Variants in WWOX observed in about 807,000 individuals in gnomAD.
WWOX encodes WW domain containing oxidoreductase, also known as WW domain-containing oxidoreductase.
In WWOX, 69 loss-of-function variants were observed where a neutral mutation model predicts 46.2. That is an observed-to-expected ratio of 1.49 (90% CI 1.23 to 1.82). The LOEUF (loss-of-function observed/expected upper bound fraction) is 1.82, where lower values mean the gene tolerates loss of function less well. Among genes scored for constraint, WWOX ranks in the 40% most tolerant of loss-of-function variants. The pLI, the probability that WWOX is intolerant of heterozygous loss-of-function variation, is 0.00. For missense variants in WWOX, 919 were observed against 542.6 expected (o/e 1.69, Z -6.89); for synonymous variants, 359 against 202.6 (o/e 1.77, Z -6.56).
At chr16:78,217,056 C>G (rs74590286) in intron 5 of WWOX, among the ~76,000 whole-genome samples, 140 of 152,294 alleles carry the variant, frequency 9.2e-4, no homozygotes, top group African/African-American at 3.0e-3. Context: ...TAATTAACAA[C>G]CTTAATTTCA....
chr16:79,189,151 TTC>T (rs1442052963), intron 8 of WWOX, among the ~76,000 whole-genome samples: 11 of 152,308 alleles, frequency 7.2e-5, no homozygotes, highest in Middle Eastern at 3.4e-3. Context: ...ACATTGGACT[TTC>T]TGTTTCCAGC....
At chr16:78,732,889 T>C (rs1419563741) in intron 8 of WWOX, among the ~76,000 whole-genome samples, 2 of 152,224 alleles carry the variant, frequency 1.3e-5, no homozygotes, top group Admixed American at 1.3e-4. Context: ...TTCTTGAGAA[T>C]AAGCGCTGTG....
chr16:78,128,651 C>A (rs578202094), intron 4 of WWOX, among the ~76,000 whole-genome samples: 3 of 152,282 alleles, frequency 2.0e-5, no homozygotes, highest in Non-Finnish European at 4.4e-5. Context: ...TATAGAAACT[C>A]TTTTTCCTGG....
intron 8 of WWOX, among the ~76,000 whole-genome samples, chr16:78,763,524 T>C (rs2049845845): frequency 6.6e-6 from 1 of 152,190 alleles, no homozygotes; most frequent in Non-Finnish European, 1.5e-5. Context: ...ATTTTTTACA[T>C]AGAGTATGAA....
intron 8 of WWOX, among the ~76,000 whole-genome samples, chr16:78,562,563 C>G (rs1018682016): frequency 6.6e-6 from 1 of 152,180 alleles, no homozygotes; most frequent in Non-Finnish European, 1.5e-5. Flanking sequence ...TGGCATTGCA[C>G]GTGCCTCCCT....
At chr16:78,846,580 C>T (rs1436497779) in intron 8 of WWOX, among the ~76,000 whole-genome samples, 5 of 152,146 alleles carry the variant, frequency 3.3e-5, no homozygotes, top group East Asian at 3.9e-4. Context: ...TGCCATTCTT[C>T]GGCCATCAAG....
intron 8 of WWOX, among the ~76,000 whole-genome samples, chr16:78,632,028 TTTC>T (rs1414148288): frequency 3.3e-5 from 5 of 152,248 alleles, no homozygotes; most frequent in African/African-American, 9.6e-5. Context: ...CTCCCAATTT[TTTC>T]TTAAAAAAAA....
intron 8 of WWOX, among the ~76,000 whole-genome samples, chr16:78,800,643 G>A (rs2050862256): frequency 6.6e-6 from 1 of 152,206 alleles, no homozygotes; most frequent in Admixed American, 6.5e-5. Context: ...GACGGCCAAA[G>A]GGGAAGCTGA....
At chr16:78,315,050 C>G (rs953551777) in intron 5 of WWOX, among the ~76,000 whole-genome samples, 2 of 152,190 alleles carry the variant, frequency 1.3e-5, no homozygotes, top group Non-Finnish European at 2.9e-5. Flanking sequence ...CTCCATCCAC[C>G]ATCTATCAAT....
intron 5 of WWOX, among the ~76,000 whole-genome samples, chr16:78,310,194 T>A (rs550121629): frequency 6.6e-6 from 1 of 152,152 alleles, no homozygotes; most frequent in Non-Finnish European, 1.5e-5. Flanking sequence ...TAAGAACATT[T>A]ATTGTGTTTC....
chr16:78,496,801 G>T (rs1384219442), intron 8 of WWOX, among the ~76,000 whole-genome samples: 1 of 152,164 alleles, frequency 6.6e-6, no homozygotes, highest in African/African-American at 2.4e-5. Context: ...TGAGGAAGAG[G>T]CCCCAAGACA....
intron 8 of WWOX, among the ~76,000 whole-genome samples, chr16:78,573,888 G>T (rs1241733369): frequency 6.6e-6 from 1 of 152,172 alleles, no homozygotes; most frequent in African/African-American, 2.4e-5. Flanking sequence ...TTATTTCATG[G>T]TTTCTGTGGA....
At chr16:78,956,575 T>C (rs1037035127) in intron 8 of WWOX, among the ~76,000 whole-genome samples, 1 of 152,194 alleles carries the variant, frequency 6.6e-6, no homozygotes, top group Admixed American at 6.5e-5. Context: ...TGGAATGACA[T>C]GTATCTATCA....
chr16:78,688,589 C>G (rs2548871), intron 8 of WWOX, among the ~76,000 whole-genome samples: 1 of 152,186 alleles, frequency 6.6e-6, no homozygotes, highest in Non-Finnish European at 1.5e-5. Flanking sequence ...AGTTTTGCAG[C>G]CATCCTTCCA....
At position 78,386,564 on chromosome 16, in the gene WWOX, A is replaced by G. The variant is rs72796085; in HGVS notation, c.517-296A>G. ...TTTAGGATGCAGATTGAGAGGAGAT[A>G]ACGTTAGCCCGAAGCGCCTTTGCAG... On this transcript the variant is annotated intron_variant, in intron 5 of 8. Transcript: ENST00000566780. Among the ~76,000 whole-genome samples the G allele has an allele frequency of 0.075, 11,439 of 152,016 alleles. 510 individuals carry two copies. Among genetic ancestry groups the G allele is most frequent in the South Asian group, 0.18 (865 of 4,796 alleles).
intron 1 of WWOX, among the ~76,000 whole-genome samples, chr16:78,101,975 G>C (rs2031824832): frequency 6.6e-6 from 1 of 152,034 alleles, no homozygotes; most frequent in Non-Finnish European, 1.5e-5. Context: ...GGGGTCGTGA[G>C]GGAATATGGT....
chr16:79,059,394 A>T (rs1263080004), intron 8 of WWOX, among the ~76,000 whole-genome samples: 15 of 152,224 alleles, frequency 9.9e-5, no homozygotes, highest in Non-Finnish European at 2.2e-4. Flanking sequence ...TATGGGTGTG[A>T]TCTTGACATT....
intron 8 of WWOX, among the ~76,000 whole-genome samples, chr16:78,533,107 ACTC>A (rs1242609109): frequency 6.6e-6 from 1 of 151,774 alleles, no homozygotes; most frequent in East Asian, 1.9e-4. Context: ...CATCCTCAGA[ACTC>A]CTCCCAGTGC....
intron 8 of WWOX, among the ~76,000 whole-genome samples, chr16:78,727,318 C>G (rs559362286): frequency 3.3e-5 from 5 of 152,126 alleles, no homozygotes; most frequent in African/African-American, 1.2e-4. Flanking sequence ...AGAATCACTT[C>G]AACCCGGAAG....
Sources: gnomAD v4.1 joint callset for allele counts (sites outside exome capture counted in the v4.1 genomes callset) on GRCh38, gnomAD v4.1.1 for gene constraint, MANE v1.5 for transcripts, NCBI Gene and HGNC (gene_info 2026-07-23, HGNC 2026-07-21) for gene names.